Variants in NRG1 observed in about 807,000 individuals in gnomAD.
NRG1 encodes neuregulin 1.
NRG1 carries 18 observed loss-of-function variants against 63.8 expected under a neutral mutation model. The ratio of observed to expected loss-of-function variants is 0.28; its 90% confidence interval spans 0.19 to 0.42. The LOEUF (loss-of-function observed/expected upper bound fraction) is 0.42. Among genes scored for constraint, NRG1 ranks in the 10% least tolerant of loss-of-function variants. NRG1 has a pLI of 1.00. For missense variants in NRG1, 762 were observed against 814.7 expected, an observed-to-expected ratio of 0.94 and a Z score of 0.79; for synonymous variants, 302 against 301.3, an observed-to-expected ratio of 1.00 and a Z score of -0.02.
chr8:32,240,767 T>C (rs1848019533), intron 1 of NRG1, among the ~76,000 whole-genome samples: 1 of 152,064 alleles, frequency 6.6e-6, no homozygotes, highest in Admixed American at 6.6e-5. Context: ...TTCCTGTCAA[T>C]CCATAATTAT....
chr8:32,702,493 T>C (rs184747339), intron 5 of NRG1, among the ~76,000 whole-genome samples: 13 of 152,278 alleles, frequency 8.5e-5, no homozygotes, highest in South Asian at 8.3e-4. Context: ...TTACTATGAA[T>C]TGTTCTTTTT....
chr8:32,037,653 C>T (rs1414711816), intron 1 of NRG1, among the ~76,000 whole-genome samples: 3 of 152,312 alleles, frequency 2.0e-5, no homozygotes, highest in South Asian at 2.1e-4. Flanking sequence ...GGAGGCCCCA[C>T]GCAGGTAGGA....
chr8:31,652,238 C>T (rs1028906279), intron 1 of NRG1, among the ~76,000 whole-genome samples: 6 of 152,234 alleles, frequency 3.9e-5, no homozygotes, highest in African/African-American at 4.8e-5. Context: ...ACTGATTCTA[C>T]GTCCTTAACA....
chr8:31,891,556 A>G (rs914984732), intron 1 of NRG1, among the ~76,000 whole-genome samples: 3 of 152,192 alleles, frequency 2.0e-5, no homozygotes, highest in Non-Finnish European at 4.4e-5. Context: ...GTAAAATAGT[A>G]CAGCCCATAC....
At chr8:32,549,337 G>A (rs1833681794) in intron 1 of NRG1, among the ~76,000 whole-genome samples, 1 of 152,246 alleles carries the variant, frequency 6.6e-6, no homozygotes. Flanking sequence ...TGGGAAGTTA[G>A]CTTCGGCGTT....
intron 1 of NRG1, among the ~76,000 whole-genome samples, chr8:32,157,822 A>C (rs1030495605): frequency 2.0e-5 from 3 of 152,084 alleles, no homozygotes; most frequent in African/African-American, 7.2e-5. Context: ...AGTAAAACCT[A>C]GAGTAACTAG....
chr8:32,313,245 G>A (rs1162056262), intron 1 of NRG1, among the ~76,000 whole-genome samples: 1 of 152,098 alleles, frequency 6.6e-6, no homozygotes, highest in Non-Finnish European at 1.5e-5. Context: ...GTAGATGTTG[G>A]GAATGGAATC....
intron 5 of NRG1, among the ~76,000 whole-genome samples, chr8:32,690,424 A>G (rs1319566876): frequency 6.6e-6 from 1 of 152,046 alleles, no homozygotes; most frequent in African/African-American, 2.4e-5. Flanking sequence ...GACCTACTGT[A>G]TTGCAAATTT....
At chr8:31,761,887 T>C (rs935435567) in intron 1 of NRG1, among the ~76,000 whole-genome samples, 7 of 152,162 alleles carry the variant, frequency 4.6e-5, no homozygotes, top group African/African-American at 1.7e-4. Flanking sequence ...AAAGATTTAA[T>C]AGGTAAAAAA....
chr8:32,229,641 A>G (rs114729187), intron 1 of NRG1, among the ~76,000 whole-genome samples: 93 of 152,290 alleles, frequency 6.1e-4, no homozygotes, highest in African/African-American at 2.1e-3. Flanking sequence ...GGCCAACAAA[A>G]GAGAAAAAAC....
intron 5 of NRG1, among the ~76,000 whole-genome samples, chr8:32,683,643 C>T (rs1386224265): frequency 6.6e-6 from 1 of 152,126 alleles, no homozygotes; most frequent in Non-Finnish European, 1.5e-5. Context: ...GTTTCTCCTC[C>T]TTCCTACATA....
At chr8:32,650,216 G>GT (rs199510344) in intron 5 of NRG1, among the ~76,000 whole-genome samples, 1,565 of 151,394 alleles carry the variant, frequency 0.01, 8 homozygotes, top group Middle Eastern at 0.024. Context: ...TTCCTTATCA[G>GT]TTTTTTTTTC....
At chr8:32,509,609 A>G (rs1828938099) in intron 1 of NRG1, among the ~76,000 whole-genome samples, 1 of 152,198 alleles carries the variant, frequency 6.6e-6, no homozygotes, top group Non-Finnish European at 1.5e-5. Context: ...TGACACTCAC[A>G]TTTCTAGCTT....
intron 1 of NRG1, among the ~76,000 whole-genome samples, chr8:32,435,488 T>C (rs1222962217): frequency 6.6e-6 from 1 of 152,172 alleles, no homozygotes; most frequent in Non-Finnish European, 1.5e-5. Context: ...CTAGCAGAGT[T>C]AGAGAATAGA....
At chr8:31,731,402 T>C (rs1445007734) in intron 1 of NRG1, among the ~76,000 whole-genome samples, 1 of 139,094 alleles carries the variant, frequency 7.2e-6, no homozygotes, top group African/African-American at 2.7e-5. Flanking sequence ...AAAAGTAGGA[T>C]ACAAAATTAT....
chr8:32,610,824 A>G (rs1286741407), intron 3 of NRG1, among the ~76,000 whole-genome samples: 2 of 152,152 alleles, frequency 1.3e-5, no homozygotes, highest in Non-Finnish European at 2.9e-5. Flanking sequence ...TTCATATAAC[A>G]AAGGATCTCA....
intron 1 of NRG1, among the ~76,000 whole-genome samples, chr8:31,705,059 C>T (rs1585792453): frequency 6.6e-6 from 1 of 151,850 alleles, no homozygotes; most frequent in South Asian, 2.1e-4. Flanking sequence ...GTTTTTGAGA[C>T]GGAGTCTCTG....
At chr8:32,082,857 G>A (rs137910233) in intron 1 of NRG1, among the ~76,000 whole-genome samples, 2 of 152,222 alleles carry the variant, frequency 1.3e-5, no homozygotes, top group Admixed American at 6.5e-5. Flanking sequence ...TCACATGCAA[G>A]TATATTTCAG....
chr8:32,759,316 C>G, exon 10 of NRG1: 1 of 1,613,572 alleles, frequency 6.2e-7, no homozygotes, highest in Non-Finnish European at 8.5e-7. Flanking sequence ...CAATACGTAT[C>G]TAAAAACGTC....
Sources: gnomAD v4.1 joint callset for allele counts (sites outside exome capture counted in the v4.1 genomes callset) on GRCh38, gnomAD v4.1.1 for gene constraint, MANE v1.5 for transcripts, NCBI Gene and HGNC (gene_info 2026-07-23, HGNC 2026-07-21) for gene names.